The following IPO11 variants were observed in gnomAD, a reference collection of about 807,000 sequenced individuals.
IPO11 encodes the protein importin 11, also known as importin-11.
A neutral mutation model predicts 143.2 loss-of-function variants in IPO11; 66 were observed. The observed-to-expected ratio is 0.46, with a 90% CI of 0.38 to 0.57. The LOEUF (loss-of-function observed/expected upper bound fraction) is 0.57, where lower values mean the gene tolerates loss of function less well. Ranked by LOEUF, IPO11 falls within the 20% of genes least tolerant of loss-of-function variation. The pLI, the probability that IPO11 is intolerant of heterozygous loss-of-function variation, is 0.00. For synonymous variants in IPO11, 385 were observed against 377.8 expected, an observed-to-expected ratio of 1.02 and a Z score of -0.22; for missense variants, 1,026 against 1,141.0, an observed-to-expected ratio of 0.90 and a Z score of 1.45.
At chr5:62,531,051 A>G (rs1446300148) in intron 22 of IPO11, among the ~76,000 whole-genome samples, 1 of 152,148 alleles carries the variant, frequency 6.6e-6, no homozygotes, top group Non-Finnish European at 1.5e-5. Flanking sequence ...AGTAGTCTGC[A>G]GTGTCTATTT....
chr5:62,513,420 C>CCCT (rs1330217946), intron 19 of IPO11, among the ~76,000 whole-genome samples: 1 of 142,378 alleles, frequency 7.0e-6, no homozygotes, highest in Non-Finnish European at 1.6e-5. Flanking sequence ...GCTGACCCCC[C>CCCT]CCCCACCTCC....
In IPO11 at chr5:62,442,863, AAAAAC is replaced by A. The variant is rs70981008; in HGVS notation, c.139-91_139-87del. 794 of 468,064 alleles carry A rather than the reference AAAAAC, an allele frequency of 1.7e-3. 3 individuals carry two copies. Among genetic ancestry groups the A allele is most frequent in the African/African-American group, 0.012 (585 of 47,808 alleles). The allele number at this position is 468,064 out of a possible 1,614,324, so 29.0% of individuals were successfully genotyped here. A position where few individuals can be genotyped will look rare whatever the true frequency, so the allele number is the denominator to read the frequency against. ...TGGGCGACGAGAGTGAAACTGTCTCAAAAACAAAACAAAACAAAACAAAACAAAAC... is the reference window on the plus strand; with the variant it reads ...TGGGCGACGAGAGTGAAACTGTCTCAAAAACAAAACAAAACAAAACAAAAC... On this transcript the variant is annotated intron_variant, in intron 2 of 29. Transcript: ENST00000325324.
chr5:62,462,008 CAT>C (rs1298757220), intron 5 of IPO11, among the ~76,000 whole-genome samples: 18 of 152,088 alleles, frequency 1.2e-4, no homozygotes, highest in Non-Finnish European at 2.4e-4. Flanking sequence ...GTAGTTCTCT[CAT>C]ATTAAGTATT....
chr5:62,435,120 A>ATATATATG (rs1744144213), intron 1 of IPO11, among the ~76,000 whole-genome samples: 1 of 106,516 alleles, frequency 9.4e-6, no homozygotes, highest in Admixed American at 9.8e-5. Flanking sequence ...GTATATATGT[A>ATATATATG]TATATGTATA....
At chr5:62,474,056 A>G (rs555128442) in intron 7 of IPO11, among the ~76,000 whole-genome samples, 1 of 152,336 alleles carries the variant, frequency 6.6e-6, no homozygotes, top group African/African-American at 2.4e-5. Context: ...GAGGAGCCAC[A>G]TAATAAATGG....
At chr5:62,475,557 A>G (rs992144109) in intron 8 of IPO11, among the ~76,000 whole-genome samples, 8 of 152,274 alleles carry the variant, frequency 5.3e-5, no homozygotes, top group Middle Eastern at 3.4e-3. Context: ...CTGTATTTCT[A>G]CTGCAGCTAC....
At chr5:62,585,539 A>G (rs2112415756) in intron 27 of IPO11, among the ~76,000 whole-genome samples, 1 of 152,290 alleles carries the variant, frequency 6.6e-6, no homozygotes, top group East Asian at 1.9e-4. Flanking sequence ...CTGGGCAGGA[A>G]CCAGGTCATA....
In IPO11 at chr5:62,489,309, A is replaced by G; in HGVS notation, c.1317A>G (p.Thr439=). ...LEMMQTLQGP[T]NVEDMNALLI... ...TATATATATATTTTTTAGGACCCAC[A>G]AATGTGGAAGATATGAATGCACTGT... Residue 439 remains threonine, a synonymous_variant, in exon 14 of 30, where the codon ACA becomes ACG. Transcript: ENST00000325324. The G allele has an allele frequency of 7.1e-6, 11 of 1,553,752 alleles. No homozygotes were observed. The highest frequency in any genetic ancestry group is 8.7e-6 in the Non-Finnish European group (10 of 1,145,128).
chr5:62,494,115 A>G lies in IPO11; in HGVS notation c.1581A>G (p.Gln527=), dbSNP rs764179037. The G allele has an allele frequency of 3.1e-6, 5 of 1,610,728 alleles. No homozygotes were observed. Among genetic ancestry groups the G allele is most frequent in the African/African-American group, 2.7e-5 (2 of 74,820 alleles). Residue 527 remains glutamine, a synonymous_variant, in exon 16 of 30, where the codon CAA becomes CAG. Coordinates refer to ENST00000325324, the MANE Select transcript of IPO11 (RefSeq NM_016338.5). ...CAATCTGTAACTTGCTTCAAGATCA[A>G]GATTTAGTGGTATGTTTCTTAAGTG... ...YEAICNLLQD[Q]DLVVRIETAT...
intron 21 of IPO11, among the ~76,000 whole-genome samples, chr5:62,529,700 G>C (rs528655229): frequency 8.5e-5 from 13 of 152,290 alleles, no homozygotes; most frequent in African/African-American, 3.1e-4. Context: ...TTACAGTTTT[G>C]ATAGCATCAT....
At chr5:62,494,368 G>GA (rs1741054388) in intron 16 of IPO11, among the ~76,000 whole-genome samples, 2 of 151,574 alleles carry the variant, frequency 1.3e-5, no homozygotes, top group Non-Finnish European at 2.9e-5. Flanking sequence ...TAATTTCTTA[G>GA]AAAAAAAGGC....
intron 9 of IPO11, 82 bp downstream of exon 9, chr5:62,476,835 ACATTT>A (rs915576119): frequency 7.5e-7 from 1 of 1,339,294 alleles, no homozygotes; most frequent in African/African-American, 1.5e-5. Context: ...TTATAACCAT[ACATTT>A]TCACTTTAGT....
chr5:62,579,980 C>T (rs1451917164), intron 27 of IPO11: 1 of 1,551,242 alleles, frequency 6.4e-7, no homozygotes, highest in East Asian at 2.4e-5. Context: ...GGTATGGTTG[C>T]TCTTCGGATA....
chr5:62,614,413 G>A (rs1049175894), intron 29 of IPO11, among the ~76,000 whole-genome samples: 2 of 152,156 alleles, frequency 1.3e-5, no homozygotes, highest in Non-Finnish European at 2.9e-5. Context: ...GCCCCTTCCC[G>A]CCAGCATTGT....
intron 29 of IPO11, among the ~76,000 whole-genome samples, chr5:62,605,507 T>C (rs76483307): frequency 0.027 from 4,038 of 152,158 alleles, 171 homozygotes; most frequent in African/African-American, 0.09. Flanking sequence ...ATTTAATATA[T>C]GTTTCCTTTC....
intron 27 of IPO11, among the ~76,000 whole-genome samples, chr5:62,577,071 A>T (rs1460914160): frequency 3.3e-5 from 5 of 152,226 alleles, no homozygotes; most frequent in African/African-American, 1.2e-4. Flanking sequence ...TGTAATGAAC[A>T]TTAGTAATCA....
At chr5:62,481,547 T>C (rs1007720047) in intron 9 of IPO11, among the ~76,000 whole-genome samples, 1 of 152,222 alleles carries the variant, frequency 6.6e-6, no homozygotes, top group African/African-American at 2.4e-5. Flanking sequence ...GGTCTGTTTA[T>C]GTGATGGATT....
At chr5:62,541,844 A>T (rs1283731344) in intron 24 of IPO11, among the ~76,000 whole-genome samples, 1 of 152,160 alleles carries the variant, frequency 6.6e-6, no homozygotes, top group Non-Finnish European at 1.5e-5. Context: ...GTAACGTTTA[A>T]TATGTTACAG....
intron 7 of IPO11, among the ~76,000 whole-genome samples, chr5:62,470,515 A>ATAT (rs755885745): frequency 1.1e-4 from 17 of 152,158 alleles, no homozygotes; most frequent in Non-Finnish European, 2.4e-4. Context: ...TAGGCCTAGG[A>ATAT]TATTTCTCAA....
Sources: allele counts gnomAD v4.1 joint callset (sites outside exome capture counted in the v4.1 genomes callset), GRCh38; gene constraint gnomAD v4.1.1; transcripts MANE v1.5; gene names NCBI Gene and HGNC (gene_info 2026-07-23, HGNC 2026-07-21).